LINGO2: variants seen among roughly 807,000 people sequenced by gnomAD.
LINGO2 encodes leucine-rich repeat and immunoglobulin-like domain-containing nogo receptor-interacting protein 2.
LINGO2 carries 14 observed loss-of-function variants against 30.6 expected under a neutral mutation model. The observed-to-expected ratio is 0.46, with a 90% CI of 0.30 to 0.72. LINGO2 has a LOEUF of 0.72. LINGO2 is among the 30% of genes least tolerant of loss of function. LINGO2 has a pLI of 0.07. For synonymous variants in LINGO2, 317 were observed against 288.5 expected (o/e 1.10, Z -1.00); for missense variants, 729 against 751.7 (o/e 0.97, Z 0.35).
the LINGO2 span, among the ~76,000 whole-genome samples, chr9:29,041,334 T>A: frequency 2.6e-5 from 4 of 152,042 alleles, no homozygotes; most frequent in African/African-American, 9.7e-5. Context: ...AAGCTTATTT[T>A]AAAATTTACT....
chr9:28,633,478 A>G (rs1827099132), intron 1 of LINGO2, among the ~76,000 whole-genome samples: 1 of 152,236 alleles, frequency 6.6e-6, no homozygotes, highest in Non-Finnish European at 1.5e-5. Context: ...GAGGTTTTAC[A>G]TAAAAGAGAC....
intron 2 of LINGO2, among the ~76,000 whole-genome samples, chr9:28,442,893 C>A (rs112282321): frequency 2.2e-3 from 336 of 152,266 alleles, no homozygotes; most frequent in Non-Finnish European, 3.4e-3. Context: ...GATAGAGGAT[C>A]AAATCCTTGG....
At chr9:28,053,098 G>T (rs1398001167) in intron 4 of LINGO2, among the ~76,000 whole-genome samples, 5 of 152,038 alleles carry the variant, frequency 3.3e-5, no homozygotes, top group Non-Finnish European at 5.9e-5. Flanking sequence ...TAACCCCTGT[G>T]ACAGGGGAAC....
the LINGO2 span, among the ~76,000 whole-genome samples, chr9:29,169,728 C>T: frequency 3.3e-5 from 5 of 152,116 alleles, no homozygotes; most frequent in African/African-American, 7.2e-5. Flanking sequence ...ATGGGCCAGG[C>T]ACTGTGGCTC....
At chr9:29,055,080 G>A in the LINGO2 span, among the ~76,000 whole-genome samples, 27 of 152,018 alleles carry the variant, frequency 1.8e-4, no homozygotes, top group African/African-American at 5.8e-4. Context: ...TTAGACAGGC[G>A]TGGTGGCGGG....
the LINGO2 span, among the ~76,000 whole-genome samples, chr9:29,139,929 A>G: frequency 6.6e-6 from 1 of 152,090 alleles, no homozygotes; most frequent in Non-Finnish European, 1.5e-5. Flanking sequence ...GCAGAGCCAT[A>G]GACAGACAGC....
At chr9:28,372,566 T>C (rs961521294) in intron 3 of LINGO2, among the ~76,000 whole-genome samples, 21 of 151,580 alleles carry the variant, frequency 1.4e-4, no homozygotes, top group Admixed American at 7.9e-4. Context: ...ACAAGAAGAA[T>C]AGGCTTTTTT....
At chr9:28,941,789 A>T in the LINGO2 span, among the ~76,000 whole-genome samples, 22 of 152,306 alleles carry the variant, frequency 1.4e-4, no homozygotes, top group African/African-American at 5.3e-4. Context: ...CATGTTCCTT[A>T]AAACCTTTGG....
chr9:28,466,477 G>T (rs1167318710), intron 2 of LINGO2, among the ~76,000 whole-genome samples: 1 of 152,120 alleles, frequency 6.6e-6, no homozygotes, highest in African/African-American at 2.4e-5. Context: ...AAGAGGGGGA[G>T]GTGGTGATGA....
the LINGO2 span, among the ~76,000 whole-genome samples, chr9:29,095,223 G>C: frequency 1.4e-5 from 2 of 137,944 alleles, 1 homozygote; most frequent in Admixed American, 1.5e-4. Flanking sequence ...AGGACTAAAA[G>C]GAAAAAGAGG....
chr9:28,282,013 C>T (rs950094571), intron 4 of LINGO2, among the ~76,000 whole-genome samples: 9 of 152,170 alleles, frequency 5.9e-5, no homozygotes, highest in Middle Eastern at 3.4e-3. Context: ...TGTCCAGTCA[C>T]GGAGTTCCTT....
At chr9:28,193,804 T>C (rs1208563916) in intron 4 of LINGO2, among the ~76,000 whole-genome samples, 3 of 152,096 alleles carry the variant, frequency 2.0e-5, no homozygotes, top group Non-Finnish European at 2.9e-5. Context: ...GAGGCTGCAG[T>C]GGAAACAATC....
At chr9:28,481,462 T>C (rs916027464) in intron 1 of LINGO2, among the ~76,000 whole-genome samples, 2 of 152,048 alleles carry the variant, frequency 1.3e-5, no homozygotes, top group African/African-American at 4.8e-5. Flanking sequence ...TGAAGACAGA[T>C]TTGTGCATAT....
At position 28,203,964 on chromosome 9, in the gene LINGO2, A is replaced by G. The variant is rs558027050; in HGVS notation, c.-87+91244T>C. 4.6e-5 allele frequency among the ~76,000 whole-genome samples: 7 copies of G among 152,322 alleles called. No homozygotes were observed. In the East Asian group the frequency reaches 1.4e-3, roughly 29 times the overall value. On this transcript the variant is annotated intron_variant, in intron 4 of 5. Transcript: ENST00000379992. ...TGTTCCTCAGAGCCTTTCCTATTCTAGTGTGCATTCTGAATCTTCAAAAAA... is the reference window on the plus strand; with the variant it reads ...TGTTCCTCAGAGCCTTTCCTATTCTGGTGTGCATTCTGAATCTTCAAAAAA...
chr9:28,267,520 C>A (rs1274997607), intron 4 of LINGO2, among the ~76,000 whole-genome samples: 1 of 151,922 alleles, frequency 6.6e-6, no homozygotes, highest in African/African-American at 2.4e-5. Flanking sequence ...TATTCACTTT[C>A]CACCTCGTTC....
At chr9:28,549,126 G>T (rs1822127310) in intron 1 of LINGO2, among the ~76,000 whole-genome samples, 1 of 151,892 alleles carries the variant, frequency 6.6e-6, no homozygotes, top group Admixed American at 6.6e-5. Context: ...CTCTCTACAG[G>T]TTAACTATTT....
At chr9:28,847,874 CA>C in the LINGO2 span, among the ~76,000 whole-genome samples, 2 of 117,928 alleles carry the variant, frequency 1.7e-5, no homozygotes, top group South Asian at 5.2e-4. Flanking sequence ...TATACATATA[CA>C]GTATATATAC....
At chr9:28,127,759 T>C (rs1397261697) in intron 4 of LINGO2, among the ~76,000 whole-genome samples, 1 of 152,200 alleles carries the variant, frequency 6.6e-6, no homozygotes, top group Non-Finnish European at 1.5e-5. Flanking sequence ...AATTCCCAGG[T>C]AGGAAAATAA....
the LINGO2 span, among the ~76,000 whole-genome samples, chr9:28,746,325 C>T: frequency 6.6e-6 from 1 of 151,942 alleles, no homozygotes; most frequent in Admixed American, 6.6e-5. Flanking sequence ...AATAAAATTA[C>T]TTGACACGCT....
Sources: allele counts gnomAD v4.1 joint callset (sites outside exome capture counted in the v4.1 genomes callset), GRCh38; gene constraint gnomAD v4.1.1; transcripts MANE v1.5; gene names NCBI Gene and HGNC (gene_info 2026-07-23, HGNC 2026-07-21).